PDS5B: variants seen among roughly 807,000 people sequenced by gnomAD.
PDS5B encodes PDS5 cohesin associated factor B, also known as sister chromatid cohesion protein PDS5 homolog B.
PDS5B carries 51 observed loss-of-function variants against 184.1 expected under a neutral mutation model. The observed-to-expected ratio is 0.28, with a 90% confidence interval of 0.22 to 0.35. PDS5B has a LOEUF of 0.35. Ranked by LOEUF, PDS5B falls within the 10% of genes least tolerant of loss-of-function variation. The pLI is 1.00. For synonymous variants in PDS5B, 566 were observed against 569.2 expected (o/e 0.99, Z 0.08); for missense variants, 1,180 against 1,723.3 (o/e 0.68, Z 5.58).
At chr13:32,689,801 C>T (rs1223516843) in intron 13 of PDS5B, 1 of 152,092 alleles carries the variant, frequency 6.6e-6, no homozygotes, top group African/African-American at 2.4e-5. Context: ...GTTGGTTTGT[C>T]ATAGCCTAAT....
chr13:32,671,545 A>G (rs550825978), intron 7 of PDS5B, among the ~76,000 whole-genome samples: 56 of 152,348 alleles, frequency 3.7e-4, no homozygotes, highest in African/African-American at 1.2e-3. Flanking sequence ...CTTTGATGTC[A>G]TGAAATTCTC....
chr13:32,655,386 T>A (rs1202063945), intron 3 of PDS5B, among the ~76,000 whole-genome samples: 37 of 20,244 alleles, frequency 1.8e-3, no homozygotes, highest in African/African-American at 4.6e-3. Context: ...TTTTTTTTTT[T>A]TTTTTTTTTT....
intron 2 of PDS5B, 79 bp from the exon 3 acceptor site, chr13:32,651,725 C>G (rs914556318): frequency 1.2e-6 from 1 of 802,564 alleles, no homozygotes; most frequent in Non-Finnish European, 2.0e-6. Context: ...TTAACCTTAG[C>G]AATTAACATG....
intron 21 of PDS5B, among the ~76,000 whole-genome samples, chr13:32,737,374 G>A (rs1953374335): frequency 6.6e-6 from 1 of 152,008 alleles, no homozygotes; most frequent in Admixed American, 6.6e-5. Flanking sequence ...TGTTTAACAA[G>A]GCCTTTACTT....
intron 22 of PDS5B, among the ~76,000 whole-genome samples, chr13:32,741,405 G>A (rs1457636485): frequency 6.6e-6 from 1 of 152,082 alleles, no homozygotes; most frequent in Non-Finnish European, 1.5e-5. Context: ...GGCAGTGCTA[G>A]TTTTTATGGA....
intron 1 of PDS5B, among the ~76,000 whole-genome samples, chr13:32,603,207 C>T (rs561127757): frequency 1.3e-5 from 2 of 152,258 alleles, no homozygotes; most frequent in East Asian, 1.9e-4. Context: ...AGGTTTTCTT[C>T]TAGAGTTTTT....
chr13:32,730,970 CT>C (rs1229738434), intron 19 of PDS5B, among the ~76,000 whole-genome samples: 4 of 152,210 alleles, frequency 2.6e-5, no homozygotes, highest in Non-Finnish European at 1.5e-5. Flanking sequence ...CTGGCCAGAA[CT>C]TCCAATACTA....
intron 1 of PDS5B, among the ~76,000 whole-genome samples, chr13:32,618,553 T>C (rs2058251654): frequency 6.6e-6 from 1 of 152,174 alleles, no homozygotes. Flanking sequence ...CAGTAGTATA[T>C]GTTTTGGGCA....
intron 1 of PDS5B, among the ~76,000 whole-genome samples, chr13:32,629,599 A>G (rs1446388746): frequency 6.6e-6 from 1 of 152,170 alleles, no homozygotes; most frequent in Non-Finnish European, 1.5e-5. Context: ...ACTTCTCCTC[A>G]ATAGCTCTTA....
chr13:32,649,039 C>T (rs1950298806), intron 2 of PDS5B, 159 bp downstream of exon 2: 1 of 568,848 alleles, frequency 1.8e-6, no homozygotes, highest in Non-Finnish European at 3.1e-6. Flanking sequence ...ATATAAGGTA[C>T]AGTGGGGATT....
Position 32,710,062 on chromosome 13 carries a change from A to G in PDS5B, c.2079A>G (p.Lys693=), listed in dbSNP as rs752547619. 44 of 1,533,544 alleles carry G rather than the reference A, an allele frequency of 2.9e-5. 2 individuals are homozygous for G. The allele number at this position is 1,533,544 out of a possible 1,614,324, so 95.0% of individuals were successfully genotyped here. A position where few individuals can be genotyped will look rare whatever the true frequency, so the allele number is the denominator to read the frequency against. Residue 693 remains lysine, a synonymous_variant, in exon 19 of 35, where the codon AAA becomes AAG. Transcript: ENST00000315596. The part of the protein sequence containing the change: ...KVAEAALQIF[K]NTGSKIEEDF... Reference sequence around the variant, plus strand: ...CAGAAGCTGCACTACAAATTTTCAAAAACACAGGAAGCAAAATTGAAGAGG... The same window carrying G: ...CAGAAGCTGCACTACAAATTTTCAAGAACACAGGAAGCAAAATTGAAGAGG...
rs1416112170 is a variant in PDS5B, at chr13:32,659,269, C to T, written c.613C>T (p.Pro205Ser). ...GGATACGGTTTTAGTAAATCTGGTA[C>T]CTGCTCATAAGGTGAGTAGCAATGT... ...LLDTVLVNLV[P>S]AHKNLNKQAY... The change falls in exon 6 of 35, where the codon CCT becomes TCT. Residue 205 changes from proline to serine, a missense_variant. This residue lies in a region of PDS5B where 79 missense variants were observed against 124.6 expected (regional missense o/e 0.63). Transcript: ENST00000315596. 2 of 1,585,534 alleles carry T rather than the reference C, an allele frequency of 1.3e-6. No homozygotes were observed. Among genetic ancestry groups the T allele is most frequent in the Admixed American group, 1.7e-5 (1 of 59,588 alleles).
chr13:32,646,117 A>T (rs548443174), intron 1 of PDS5B, among the ~76,000 whole-genome samples: 1 of 151,790 alleles, frequency 6.6e-6, no homozygotes, highest in African/African-American at 2.4e-5. Context: ...CAGGACTTCC[A>T]CCTCAGCTTC....
At position 32,628,087 on chromosome 13, in the gene PDS5B, G is replaced by T. The variant is rs73451440; in HGVS notation, c.-19-20667G>T. Among the ~76,000 whole-genome samples the T allele has an allele frequency of 5.8e-3, 884 of 152,202 alleles. 14 individuals carry two copies. The highest frequency in any genetic ancestry group is 0.02 in the African/African-American group (834 of 41,530). ...ATGTTAATAGAGAACAGCCTTGAAG[G>T]ATAGGCAATCCATAATACCTATAGA... is the stretch of plus-strand genomic sequence containing the variant. On this transcript the variant is annotated intron_variant, in intron 1 of 34. Transcript: ENST00000315596.
intron 11 of PDS5B, among the ~76,000 whole-genome samples, chr13:32,686,725 T>C (rs1163395419): frequency 6.6e-6 from 1 of 152,196 alleles, no homozygotes; most frequent in Non-Finnish European, 1.5e-5. Flanking sequence ...TTCATGACTT[T>C]GGTGAGCTGT....
intron 31 of PDS5B, 120 bp downstream of exon 31, chr13:32,764,714 T>A: frequency 1.9e-6 from 1 of 524,584 alleles, no homozygotes; most frequent in Non-Finnish European, 3.3e-6. Context: ...ATTTTAGTGG[T>A]TTTAACCACA....
chr13:32,723,302 T>C (rs1020710000), intron 19 of PDS5B, among the ~76,000 whole-genome samples: 3 of 152,202 alleles, frequency 2.0e-5, no homozygotes, highest in African/African-American at 7.2e-5. Flanking sequence ...TTCACCAAAA[T>C]GTTGACAGTA....
intron 10 of PDS5B, among the ~76,000 whole-genome samples, chr13:32,683,144 C>T (rs1469806701): frequency 6.6e-6 from 1 of 151,962 alleles, no homozygotes; most frequent in Non-Finnish European, 1.5e-5. Context: ...TCGCGAGTAG[C>T]TGGGACTACA....
chr13:32,628,678 A>G (rs960613831), intron 1 of PDS5B, among the ~76,000 whole-genome samples: 1 of 152,130 alleles, frequency 6.6e-6, no homozygotes, highest in Admixed American at 6.5e-5. Flanking sequence ...TATTTTACCA[A>G]ATATACTATT....
Sources: gnomAD v4.1 joint callset for allele counts (sites outside exome capture counted in the v4.1 genomes callset) on GRCh38, gnomAD v4.1.1 for gene constraint, gnomAD v4.1.1 regional missense constraint, MANE v1.5 for transcripts, NCBI Gene and HGNC (gene_info 2026-07-23, HGNC 2026-07-21) for gene names.